DOK6: variants seen among roughly 807,000 people sequenced by gnomAD.
DOK6 encodes the protein downstream of tyrosine kinase 6.
In DOK6, 22 loss-of-function variants were observed where a neutral mutation model predicts 44.0. That is an observed-to-expected ratio of 0.50 (90% CI 0.36 to 0.71). The LOEUF (loss-of-function observed/expected upper bound fraction) is 0.71. Among genes scored for constraint, DOK6 ranks in the 30% least tolerant of loss-of-function variants. The pLI is 0.00. For missense variants in DOK6, 340 were observed against 416.4 expected (o/e 0.82, Z 1.60); for synonymous variants, 166 against 145.5 (o/e 1.14, Z -1.01).
chr18:69,691,387 C>G (rs1599265587), intron 4 of DOK6, among the ~76,000 whole-genome samples: 1 of 151,634 alleles, frequency 6.6e-6, no homozygotes, highest in East Asian at 1.9e-4. Flanking sequence ...ATTCACCCCT[C>G]TCAAGCCCCA....
chr18:69,715,197 A>C (rs753644663), intron 5 of DOK6, among the ~76,000 whole-genome samples: 12 of 152,202 alleles, frequency 7.9e-5, no homozygotes, highest in African/African-American at 2.2e-4. Flanking sequence ...TAATCTAAAA[A>C]CTGGAGATTA....
At chr18:69,530,862 G>A (rs1372462580) in intron 1 of DOK6, among the ~76,000 whole-genome samples, 2 of 151,930 alleles carry the variant, frequency 1.3e-5, no homozygotes, top group Non-Finnish European at 2.9e-5. Context: ...TTGACAGTGG[G>A]GTGTTAAAGT....
intron 3 of DOK6, among the ~76,000 whole-genome samples, chr18:69,601,088 A>T (rs1210358408): frequency 6.6e-6 from 1 of 152,202 alleles, no homozygotes; most frequent in Non-Finnish European, 1.5e-5. Flanking sequence ...AGCTTACAAG[A>T]TTCTGCCTTT....
intron 2 of DOK6, among the ~76,000 whole-genome samples, chr18:69,578,952 TA>T (rs1983300989): frequency 6.6e-6 from 1 of 152,198 alleles, no homozygotes; most frequent in Non-Finnish European, 1.5e-5. Flanking sequence ...AGTATTTTAA[TA>T]TTTTTAAGCT....
At chr18:69,582,241 G>T (rs1983387315) in intron 2 of DOK6, among the ~76,000 whole-genome samples, 1 of 152,186 alleles carries the variant, frequency 6.6e-6, no homozygotes, top group African/African-American at 2.4e-5. Flanking sequence ...AAAACAGAAG[G>T]TAGACCTAAT....
chr18:69,813,092 A>C (rs527294122), intron 7 of DOK6, among the ~76,000 whole-genome samples: 3 of 152,240 alleles, frequency 2.0e-5, no homozygotes, highest in African/African-American at 7.2e-5. Context: ...ATGCAGATAG[A>C]CAGTGTCAAG....
chr18:69,465,972 A>G (rs1471501427), intron 1 of DOK6, among the ~76,000 whole-genome samples: 1 of 152,204 alleles, frequency 6.6e-6, no homozygotes, highest in Non-Finnish European at 1.5e-5. Flanking sequence ...ACATTGTGAA[A>G]TAGTTAAATT....
At chr18:69,512,179 C>T (rs1011187429) in intron 1 of DOK6, among the ~76,000 whole-genome samples, 1 of 148,956 alleles carries the variant, frequency 6.7e-6, no homozygotes, top group African/African-American at 2.5e-5. Flanking sequence ...CTCCTTGTCT[C>T]GGTACTCCCC....
chr18:69,701,412 C>CA (rs930096556), intron 5 of DOK6, among the ~76,000 whole-genome samples: 12 of 152,192 alleles, frequency 7.9e-5, no homozygotes, highest in African/African-American at 2.6e-4. Context: ...AAGATAATCA[C>CA]AAAAAAATAC....
At chr18:69,512,255 T>C (rs1020774751) in intron 1 of DOK6, among the ~76,000 whole-genome samples, 2 of 151,774 alleles carry the variant, frequency 1.3e-5, no homozygotes, top group Non-Finnish European at 2.9e-5. Flanking sequence ...ATGCAATCGA[T>C]GCTATCTTGA....
At chr18:69,553,114 T>C (rs1016012953) in intron 1 of DOK6, among the ~76,000 whole-genome samples, 4 of 152,246 alleles carry the variant, frequency 2.6e-5, no homozygotes, top group African/African-American at 4.8e-5. Context: ...TTTCTTCATC[T>C]CTATTCACCC....
intron 3 of DOK6, among the ~76,000 whole-genome samples, chr18:69,605,074 CTTTG>C (rs1388893982): frequency 1.1e-4 from 12 of 106,216 alleles, no homozygotes; most frequent in African/African-American, 3.2e-4. Flanking sequence ...GGAGAGATCC[CTTTG>C]TGTGTGTGTG....
intron 3 of DOK6, among the ~76,000 whole-genome samples, chr18:69,676,059 G>A (rs2144684506): frequency 6.6e-6 from 1 of 152,258 alleles, no homozygotes; most frequent in Admixed American, 6.5e-5. Flanking sequence ...GCTAATCCCA[G>A]GCCTCTGACT....
intron 1 of DOK6, among the ~76,000 whole-genome samples, chr18:69,537,929 T>A (rs1982166053): frequency 6.6e-6 from 1 of 152,158 alleles, no homozygotes; most frequent in South Asian, 2.1e-4. Context: ...TAGAAAGCTT[T>A]TAGTATTGCT....
chr18:69,754,279 G>A (rs1844268951), intron 6 of DOK6, among the ~76,000 whole-genome samples: 1 of 151,328 alleles, frequency 6.6e-6, no homozygotes, highest in South Asian at 2.1e-4. Context: ...GCTTGAGCTT[G>A]GGAGGCGGAG....
intron 3 of DOK6, among the ~76,000 whole-genome samples, chr18:69,617,726 A>AGAAAT (rs1377399642): frequency 8.6e-6 from 1 of 115,950 alleles, no homozygotes. Context: ...AAAGAAAGAA[A>AGAAAT]AAAGGGGGAA....
chr18:69,705,922 A>ATT lies in DOK6; in HGVS notation c.599+7329_599+7330insTT, dbSNP rs1568339337. 3.9e-3 allele frequency among the ~76,000 whole-genome samples: 556 copies of ATT among 141,414 alleles called. 6 individuals carry two copies. The highest frequency in any genetic ancestry group is 0.013 in the African/African-American group (539 of 40,972). 92.8% of individuals were successfully genotyped at this position (141,414 alleles called of 152,430 possible). A position where few individuals can be genotyped will look rare whatever the true frequency, so the allele number is the denominator to read the frequency against. ...AATCTTCTCCATAAATGTGATTAAA[A>ATT]AAAAAAAAAACACTCCATTATTTCT... On this transcript the variant is annotated intron_variant, in intron 5 of 7. Coordinates refer to ENST00000382713, the MANE Select transcript of DOK6 (RefSeq NM_152721.6).
At chr18:69,730,869 G>A (rs1163956823) in intron 5 of DOK6, among the ~76,000 whole-genome samples, 1 of 152,098 alleles carries the variant, frequency 6.6e-6, no homozygotes. Flanking sequence ...CACTTTGGGA[G>A]GTGAGAGAAT....
intron 6 of DOK6, among the ~76,000 whole-genome samples, chr18:69,755,668 T>C (rs1191250504): frequency 6.6e-6 from 1 of 152,092 alleles, no homozygotes; most frequent in African/African-American, 2.4e-5. Flanking sequence ...CTTCCATCCA[T>C]ATGAGGGTGT....
Sources: allele counts gnomAD v4.1 joint callset (sites outside exome capture counted in the v4.1 genomes callset), GRCh38; gene constraint gnomAD v4.1.1; transcripts MANE v1.5; gene names NCBI Gene and HGNC (gene_info 2026-07-23, HGNC 2026-07-21).